The following ADGRB1 variants were observed in gnomAD, a reference collection of about 807,000 sequenced individuals.
The protein encoded by ADGRB1 is adhesion G protein-coupled receptor B1, also known as brain-specific angiogenesis inhibitor 1.
A neutral mutation model predicts 175.7 loss-of-function variants in ADGRB1; 36 were observed. The ratio of observed to expected loss-of-function variants is 0.20; its 90% CI spans 0.16 to 0.27. The LOEUF is 0.27. Ranked by LOEUF, ADGRB1 falls within the 10% of genes least tolerant of loss-of-function variation. The pLI, the probability that ADGRB1 is intolerant of heterozygous loss-of-function variation, is 1.00. For synonymous variants in ADGRB1, 1,054 were observed against 979.4 expected (o/e 1.08, Z -1.42); for missense variants, 1,731 against 2,255.3 (o/e 0.77, Z 4.71).
intron 1 of ADGRB1, among the ~76,000 whole-genome samples, chr8:142,452,214 G>T (rs1466536465): frequency 6.6e-6 from 1 of 152,204 alleles, no homozygotes; most frequent in Non-Finnish European, 1.5e-5. Flanking sequence ...GGGGCAGAAG[G>T]CTGGCCCGGG....
rs559606445 is a variant in ADGRB1 at position 142,454,146 on chromosome 8, T to C, written c.-220+4042T>C. 1.1e-4 allele frequency among the ~76,000 whole-genome samples: 17 copies of C among 152,204 alleles called. No homozygotes were observed. The East Asian group carries it at 2.9e-3, about 26-fold the overall frequency. On this transcript the variant is annotated intron_variant, in intron 1 of 30. Coordinates refer to ENST00000517894, the MANE Select transcript of ADGRB1 (RefSeq NM_001702.3). The stretch of plus-strand genomic sequence containing the variant: ...GGGCGCCCCATGGGCCGCCAGGTCA[T>C]AGGGCGCGTCAGGAGGCTGAGTGCA...
chr8:142,451,764 GT>G (rs1425615033), intron 1 of ADGRB1, among the ~76,000 whole-genome samples: 1 of 152,138 alleles, frequency 6.6e-6, no homozygotes, highest in Non-Finnish European at 1.5e-5. Flanking sequence ...TGGGAGGGAG[GT>G]GGTATACGGT....
At chr8:142,533,197 G>A (rs1020982930) in intron 24 of ADGRB1, 98 bp from the exon 25 acceptor site, 1 of 1,302,538 alleles carries the variant, frequency 7.7e-7, no homozygotes, top group African/African-American at 1.5e-5. Flanking sequence ...GGGGACTTAG[G>A]GCTGGGTCCC....
chr8:142,478,838 G>A (rs1277176350), intron 7 of ADGRB1, among the ~76,000 whole-genome samples: 2 of 145,060 alleles, frequency 1.4e-5, no homozygotes, highest in Admixed American at 6.8e-5. Flanking sequence ...TGTCCATGGG[G>A]AAGTGGAGTG....
chr8:142,512,821 C>G (rs926293579), intron 18 of ADGRB1, among the ~76,000 whole-genome samples: 9 of 152,174 alleles, frequency 5.9e-5, no homozygotes, highest in Middle Eastern at 3.2e-3. Context: ...GGAACTTGTT[C>G]AGAGAGGGGC....
chr8:142,492,396 G>A lies in ADGRB1; in HGVS notation c.2675+1581G>A, dbSNP rs911160217. Among the ~76,000 whole-genome samples the A allele has an allele frequency of 1.3e-5, 2 of 152,170 alleles. No individual in the cohort carries two copies. Among genetic ancestry groups the A allele is most frequent in the Non-Finnish European group, 2.9e-5 (2 of 68,040 alleles). On this transcript the variant is annotated intron_variant, in intron 17 of 30. Coordinates refer to ENST00000517894, the MANE Select transcript of ADGRB1 (RefSeq NM_001702.3). This position sits in a 1 kb window ranked among gnomAD's most constrained non-coding sequence, Gnocchi z 4.4. ...CAGACGGAGCAGTGTGGTGATGCCCGGCCGTGCATGGGCCGGGAAGGGAAG... is the reference window on the plus strand; with the variant it reads ...CAGACGGAGCAGTGTGGTGATGCCCAGCCGTGCATGGGCCGGGAAGGGAAG...
At chr8:142,479,982 T>A (rs964944173) in intron 9 of ADGRB1, among the ~76,000 whole-genome samples, 188 bp downstream of exon 9, 18 of 152,204 alleles carry the variant, frequency 1.2e-4, no homozygotes, top group Non-Finnish European at 2.6e-4. Flanking sequence ...CAGCTGCTGT[T>A]CTGAGCACTC....
Position 142,464,281 on chromosome 8 carries a change from C to T in ADGRB1, c.83C>T (p.Ala28Val), listed in dbSNP as rs1451826645. The T allele has an allele frequency of 1.8e-5, 24 of 1,363,580 alleles. 2 individuals are homozygous for T. The Middle Eastern group carries it at 8.0e-4, about 46-fold the overall frequency. The allele number at this position is 1,363,580 out of a possible 1,614,324, so 84.5% of individuals were successfully genotyped here. ...LLLLLLLGRR[A>V]RAAAGADAGP... ...CTGCTGCTGCTGCTGGGACGCCGCG[C>T]GCGGGCGGCCGCCGGAGCAGACGCG... The change falls in exon 2 of 31, where the codon GCG becomes GTG. Residue 28 changes from alanine (A) to valine (V), a missense_variant. Coordinates refer to ENST00000517894, the MANE Select transcript of ADGRB1 (RefSeq NM_001702.3).
At chr8:142,500,307 TCCCCACGCGCCGCTCCTCCCCCG>T (rs1842442645) in intron 17 of ADGRB1, among the ~76,000 whole-genome samples, 1 of 8,812 alleles carries the variant, frequency 1.1e-4, no homozygotes, top group Admixed American at 2.0e-3. Context: ...CTCCTCCACC[TCCCCACGCGCCGCTCCTCCCCCG>T]CCCCCCGCGC....
intron 1 of ADGRB1, among the ~76,000 whole-genome samples, chr8:142,456,831 C>G (rs1175645578): frequency 6.6e-6 from 1 of 152,256 alleles, no homozygotes; most frequent in Non-Finnish European, 1.5e-5. Flanking sequence ...GGTCCTCGAG[C>G]CAGGAGACCA....
rs1421427048 is a variant in ADGRB1, at chr8:142,510,484, C to G, written c.2676-448C>G. Among the ~76,000 whole-genome samples the G allele has an allele frequency of 6.6e-6, 1 of 151,344 alleles. No individual in the cohort carries two copies. Among genetic ancestry groups the G allele is most frequent in the East Asian group, 2.0e-4 (1 of 5,094 alleles). Reference sequence around the variant, plus strand: ...GCGCTCCGAACCCGCCCCGCGCCCCCAGGCCACACCCGGCTCGCACCCTCC... The same window carrying G: ...GCGCTCCGAACCCGCCCCGCGCCCCGAGGCCACACCCGGCTCGCACCCTCC... On this transcript the variant is annotated intron_variant, in intron 17 of 30. Coordinates refer to ENST00000517894, the MANE Select transcript of ADGRB1 (RefSeq NM_001702.3). The surrounding 1 kb of genome is among the most constrained non-coding windows in gnomAD (Gnocchi z 6.3).
chr8:142,456,279 C>A (rs183249598), intron 1 of ADGRB1, among the ~76,000 whole-genome samples: 1 of 152,304 alleles, frequency 6.6e-6, no homozygotes, highest in East Asian at 1.9e-4. Context: ...ACCTGAAAGA[C>A]GTGTGCAGAC....
chr8:142,500,366 TTCCTCCCCTGCCCCCCGCGCCGC>T (rs1282300637), intron 17 of ADGRB1, among the ~76,000 whole-genome samples: 146 of 2,306 alleles, frequency 0.063, 22 homozygotes, highest in African/African-American at 0.1. Context: ...CCCCGCGCCT[TTCCTCCCCTGCCCCCCGCGCCGC>T]TCCTCCCCCG....
At chr8:142,505,219 C>G (rs572759183) in intron 17 of ADGRB1, among the ~76,000 whole-genome samples, 1 of 152,164 alleles carries the variant, frequency 6.6e-6, no homozygotes, top group East Asian at 1.9e-4. Context: ...AGCTGAGCTC[C>G]GAGGGTGAGA....
intron 2 of ADGRB1, among the ~76,000 whole-genome samples, chr8:142,466,393 C>T (rs1840278334): frequency 6.6e-6 from 1 of 152,184 alleles, no homozygotes; most frequent in South Asian, 2.1e-4. Context: ...GGCCATGGAT[C>T]CCAGATAAGA....
rs765764021 is a variant in ADGRB1 at position 142,489,042 on chromosome 8, T to C, written c.2460T>C (p.Asp820=). Residue 820 remains aspartate (D), a synonymous_variant, in exon 15 of 31, where the codon GAT becomes GAC. Transcript: ENST00000517894. The part of the protein sequence containing the change: ...SVFSTGLTEA[D]EASVFVVGTV... ...CAGTGCACTTTCTTCCAGAGGCCGA[T>C]GAAGCATCCGTGTTTGTGGTGGGCA... 12 of 1,611,774 alleles carry C rather than the reference T, an allele frequency of 7.4e-6. No homozygotes were observed. The highest frequency in any genetic ancestry group is 1.0e-5 in the Non-Finnish European group (12 of 1,179,594).
rs146129253 is a variant in ADGRB1, at chr8:142,493,064, G to A, written c.2675+2249G>A. On this transcript the variant is annotated intron_variant, in intron 17 of 30. Transcript: ENST00000517894. The surrounding 1 kb of genome is among the most constrained non-coding windows in gnomAD (Gnocchi z 5.0). ...CGATCTTGCGAGGACAGCTTCACCCGTACTTCTGATTGCTCCCTGGGGATC... is the reference window on the plus strand; with the variant it reads ...CGATCTTGCGAGGACAGCTTCACCCATACTTCTGATTGCTCCCTGGGGATC... Among the ~76,000 whole-genome samples, 773 of 151,982 alleles carry A rather than the reference G, an allele frequency of 5.1e-3. 6 individuals carry two copies. The highest frequency in any genetic ancestry group is 0.018 in the African/African-American group (730 of 41,480).
rs1039131566 is a variant in ADGRB1, at chr8:142,470,132, A to G, written c.784+5150A>G. On this transcript the variant is annotated intron_variant, in intron 2 of 30. Transcript: ENST00000517894. ...CTGCAAACACTCCTCAGGCCAAGCA[A>G]CTGTTCCCCTCCACCTCGTGCTGCC... Among the ~76,000 whole-genome samples the G allele has an allele frequency of 1.2e-4, 18 of 152,202 alleles. 1 individual carries two copies. Among genetic ancestry groups the G allele is most frequent in the Middle Eastern group, 3.4e-3 (1 of 294 alleles).
At chr8:142,491,506 T>C (rs1368902592) in intron 17 of ADGRB1, among the ~76,000 whole-genome samples, 1 of 152,128 alleles carries the variant, frequency 6.6e-6, no homozygotes, top group Non-Finnish European at 1.5e-5. Context: ...GAAGAGTCTG[T>C]GTAAAGGCCC....
Sources: gnomAD v4.1 joint callset for allele counts (sites outside exome capture counted in the v4.1 genomes callset) on GRCh38, gnomAD v4.1.1 for gene constraint, Gnocchi (gnomAD v3.1) non-coding constraint, MANE v1.5 for transcripts, NCBI Gene and HGNC (gene_info 2026-07-23, HGNC 2026-07-21) for gene names.